LMAN2: variants seen among roughly 807,000 people sequenced by gnomAD.
The protein encoded by LMAN2 is lectin, mannose binding 2.
In LMAN2, 22 loss-of-function variants were observed where a neutral mutation model predicts 39.3. The ratio of observed to expected loss-of-function variants is 0.56; its 90% CI spans 0.40 to 0.80. The LOEUF (loss-of-function observed/expected upper bound fraction) is 0.80, where lower values mean the gene tolerates loss of function less well. Among genes scored for constraint, LMAN2 ranks in the 30% least tolerant of loss-of-function variants. LMAN2 has a pLI of 0.00. For synonymous variants in LMAN2, 207 were observed against 207.8 expected, an observed-to-expected ratio of 1.00 and a Z score of 0.03; for missense variants, 494 against 505.4, an observed-to-expected ratio of 0.98 and a Z score of 0.22.
chr5:177,337,570 G>C lies in LMAN2; in HGVS notation c.514-46C>G, dbSNP rs1369943115. 5 of 1,608,790 alleles carry C rather than the reference G, an allele frequency of 3.1e-6. No homozygotes were observed. In the African/African-American group the frequency reaches 6.7e-5, roughly 22 times the overall value. On this transcript the variant is annotated intron_variant, in intron 4 of 7. Coordinates refer to ENST00000303127, the MANE Select transcript of LMAN2 (RefSeq NM_006816.3). This position sits in a 1 kb window ranked among gnomAD's most constrained non-coding sequence, Gnocchi z 8.2. The stretch of plus-strand genomic sequence containing the variant: ...ACTCCACAAGCAGCCCAGCCTGTGG[G>C]GCGAGCAGGGGCACCCACCACCCCA...
At chr5:177,336,917 C>G (rs1761482021) in intron 6 of LMAN2, 1 of 589,354 alleles carries the variant, frequency 1.7e-6, no homozygotes, top group Admixed American at 3.0e-5. Context: ...CCCGGACAGG[C>G]CATTTACAGA....
chr5:177,350,072 T>A (rs1294697750), intron 2 of LMAN2, among the ~76,000 whole-genome samples: 6 of 152,206 alleles, frequency 3.9e-5, no homozygotes, highest in African/African-American at 1.4e-4. Flanking sequence ...CACAGGGGAC[T>A]CCACGCTCTG....
rs575515366 is a variant in LMAN2, at chr5:177,340,977, G to C, written c.316-2372C>G. 5.3e-5 allele frequency among the ~76,000 whole-genome samples: 8 copies of C among 151,556 alleles called. No homozygotes were observed. The South Asian group carries it at 1.0e-3, about 20-fold the overall frequency. The stretch of plus-strand genomic sequence containing the variant: ...TCACCGTGTTAGCCAGGATGGTCAC[G>C]ATCTCCTGACCTTGTGATCCGCCCA... On this transcript the variant is annotated intron_variant, in intron 2 of 7. Transcript: ENST00000303127.
chr5:177,338,136 C>T (rs1190645435), intron 3 of LMAN2, among the ~76,000 whole-genome samples: 2 of 152,134 alleles, frequency 1.3e-5, no homozygotes, highest in African/African-American at 4.8e-5. Flanking sequence ...CTGTGAAGAG[C>T]CACCAAGGAA....
chr5:177,340,998 G>A (rs542243126), intron 2 of LMAN2, among the ~76,000 whole-genome samples: 3 of 150,740 alleles, frequency 2.0e-5, no homozygotes, highest in South Asian at 2.1e-4. Context: ...CTTGTGATCC[G>A]CCCACCTCAG....
intron 2 of LMAN2, 74 bp downstream of exon 2, chr5:177,351,099 G>C: frequency 7.7e-7 from 1 of 1,299,764 alleles, no homozygotes; most frequent in Non-Finnish European, 1.1e-6. Context: ...AACGAAGCTG[G>C]GGTCTCAGCT....
chr5:177,337,439 G>A lies in LMAN2; in HGVS notation c.599C>T (p.Ala200Val), dbSNP rs777171850. ...HSKDGRWTELAGCTADFRNRD... is the reference protein window; with the variant it reads ...HSKDGRWTELVGCTADFRNRD... ...GTTGCGGAAGTCAGCCGTGCAGCCCGCCAGCTCGGTCCAGCGCCCATCCTT... is the reference window on the plus strand; with the variant it reads ...GTTGCGGAAGTCAGCCGTGCAGCCCACCAGCTCGGTCCAGCGCCCATCCTT... The change falls in exon 5 of 8, where the codon GCG (alanine) becomes GTG (valine). Residue 200 changes from alanine to valine, a missense_variant. Physicochemically the swap from Ala to Val is moderately conservative, Grantham distance 64 (BLOSUM62 0). Transcript: ENST00000303127. The surrounding 1 kb of genome is among the most constrained non-coding windows in gnomAD (Gnocchi z 8.2). The A allele has an allele frequency of 1.9e-5, 30 of 1,613,470 alleles. No homozygotes were observed. The highest frequency in any genetic ancestry group is 1.3e-4 in the South Asian group (12 of 91,072).
rs769121880 is a variant in LMAN2, at chr5:177,337,712, G to A, written c.507C>T (p.Thr169=). 3.7e-6 allele frequency: 6 copies of A among 1,613,976 alleles called. No homozygotes were observed. In the African/African-American group the frequency reaches 4.0e-5, roughly 11 times the overall value. The change falls in exon 4 of 8, where the codon ACC becomes ACT. Residue 169 remains threonine, a synonymous_variant. Coordinates refer to ENST00000303127, the MANE Select transcript of LMAN2 (RefSeq NM_006816.3). The surrounding 1 kb of genome is among the most constrained non-coding windows in gnomAD (Gnocchi z 8.2). ...IFLDTYPNDE[T]TERVFPYISV... ...GGATAGAGCAGGGGCCTACCTCAGT[G>A]GTCTCATCATTGGGGTAGGTGTCCA...
intron 2 of LMAN2, chr5:177,346,471 T>A (rs533387062): frequency 4.3e-4 from 115 of 265,634 alleles, no homozygotes; most frequent in Admixed American, 1.4e-3. Flanking sequence ...GTTTTTTTTT[T>A]AAAAAAAGCA....
chr5:177,349,836 G>T (rs1200739711), intron 2 of LMAN2, among the ~76,000 whole-genome samples: 1 of 152,234 alleles, frequency 6.6e-6, no homozygotes, highest in Admixed American at 6.5e-5. Context: ...GGTGGTTAAT[G>T]AAGAAATGTC....
Position 177,351,439 on chromosome 5 carries a change from C to A in LMAN2, c.196+13G>T. 1.2e-6 allele frequency: 2 copies of A among 1,610,888 alleles called. No individual in the cohort carries two copies. Among genetic ancestry groups the A allele is most frequent in the Non-Finnish European group, 1.7e-6 (2 of 1,178,050 alleles). On this transcript the variant is annotated intron_variant, in intron 1 of 7. Coordinates refer to ENST00000303127, the MANE Select transcript of LMAN2 (RefSeq NM_006816.3). The stretch of plus-strand genomic sequence containing the variant: ...CCCTCACTCTTCACTCATTCCCGCC[C>A]CAAGGGCTTCACCTTGGTAGGGCTT...
chr5:177,340,976 C>T lies in LMAN2; in HGVS notation c.316-2371G>A, dbSNP rs188968929. Among the ~76,000 whole-genome samples, 1,018 of 151,608 alleles carry T rather than the reference C, an allele frequency of 6.7e-3. 10 individuals are homozygous for T. Among genetic ancestry groups the T allele is most frequent in the African/African-American group, 0.024 (973 of 41,384 alleles). On this transcript the variant is annotated intron_variant, in intron 2 of 7. Transcript: ENST00000303127. ...TTCACCGTGTTAGCCAGGATGGTCACGATCTCCTGACCTTGTGATCCGCCC... is the reference window on the plus strand; with the variant it reads ...TTCACCGTGTTAGCCAGGATGGTCATGATCTCCTGACCTTGTGATCCGCCC...
intron 6 of LMAN2, 136 bp downstream of exon 6, chr5:177,337,000 C>CA (rs1415996589): frequency 1.5e-6 from 1 of 665,152 alleles, no homozygotes; most frequent in Admixed American, 2.4e-5. Context: ...AGGCCATTTA[C>CA]AGAAGAAAGG....
Position 177,332,200 on chromosome 5 carries a change from C to T in LMAN2, c.957G>A (p.Thr319=), listed in dbSNP as rs374771553. ...GCAGCAGCAGGAACACCCGCCACCCCGTCAGGGGCCCGCTGCGGAAGTTCC... is the reference window on the plus strand; with the variant it reads ...GCAGCAGCAGGAACACCCGCCACCCTGTCAGGGGCCCGCTGCGGAAGTTCC... ...PTGNFRSGPL[T]GWRVFLLLLC... Residue 319 remains threonine, a synonymous_variant, in exon 8 of 8, where the codon ACG becomes ACA. Coordinates refer to ENST00000303127, the MANE Select transcript of LMAN2 (RefSeq NM_006816.3). The surrounding 1 kb of genome is among the most constrained non-coding windows in gnomAD (Gnocchi z 6.3). The T allele has an allele frequency of 1.3e-4, 205 of 1,613,338 alleles. 1 individual carries two copies. Among genetic ancestry groups the T allele is most frequent in the East Asian group, 5.4e-4 (24 of 44,856 alleles).
At chr5:177,345,730 GGCAT>G (rs66519844) in intron 2 of LMAN2, among the ~76,000 whole-genome samples, 15,352 of 142,390 alleles carry the variant, frequency 0.11, 1,043 homozygotes, top group African/African-American at 0.17. Context: ...CAGCAGCCAT[GGCAT>G]GCATTTATTT....
Position 177,344,935 on chromosome 5 carries a change from A to AG in LMAN2, c.315+6237_315+6238insC, listed in dbSNP as rs371995675. 2.6e-3 allele frequency among the ~76,000 whole-genome samples: 393 copies of AG among 151,896 alleles called. 1 individual carries two copies. Among genetic ancestry groups the AG allele is most frequent in the African/African-American group, 9.1e-3 (378 of 41,338 alleles). On this transcript the variant is annotated intron_variant, in intron 2 of 7. Transcript: ENST00000303127. ...AAAGAAAAGAAAAGAAAAGAAGAGA[A>AG]AGAAGAGAAGAGAAAAGAAAAGGAA...
Position 177,337,074 on chromosome 5 carries a change from A to G in LMAN2, c.790+62T>C, listed in dbSNP as rs955202576. The G allele has an allele frequency of 1.6e-6, 2 of 1,264,538 alleles. No individual in the cohort carries two copies. Among genetic ancestry groups the G allele is most frequent in the Admixed American group, 1.8e-5 (1 of 57,134 alleles). 78.3% of individuals were successfully genotyped at this position (1,264,538 alleles called of 1,614,324 possible). A position where few individuals can be genotyped will look rare whatever the true frequency, so the allele number is the denominator to read the frequency against. The stretch of plus-strand genomic sequence containing the variant: ...TGAAGGCAGGCAATCAACTGCATGG[A>G]AAGCTCCCAGTCCCTCAGGGTGAGC... On this transcript the variant is annotated intron_variant, in intron 6 of 7. Coordinates refer to ENST00000303127, the MANE Select transcript of LMAN2 (RefSeq NM_006816.3). This position sits in a 1 kb window ranked among gnomAD's most constrained non-coding sequence, Gnocchi z 8.2.
chr5:177,332,026 T>TAA lies in LMAN2; in HGVS notation c.*58_*59dup. The TAA allele has an allele frequency of 1.7e-5, 22 of 1,258,490 alleles. No individual in the cohort carries two copies. Among genetic ancestry groups the TAA allele is most frequent in the South Asian group, 4.5e-5 (3 of 66,216 alleles). The allele number at this position is 1,258,490 out of a possible 1,614,324, so 78.0% of individuals were successfully genotyped here. A position where few individuals can be genotyped will look rare whatever the true frequency, so the allele number is the denominator to read the frequency against. On this transcript the variant is annotated 3_prime_UTR_variant, in exon 8 of 8. Transcript: ENST00000303127. The surrounding 1 kb of genome is among the most constrained non-coding windows in gnomAD (Gnocchi z 6.3). ...TCTTGTTGTTCTTTTATAATCCCGG[T>TAA]AAAAAAAAAAGTTCACATTGGCTCC... is the stretch of plus-strand genomic sequence containing the variant.
chr5:177,345,765 A>C (rs1241525846), intron 2 of LMAN2, among the ~76,000 whole-genome samples: 1 of 150,010 alleles, frequency 6.7e-6, no homozygotes, highest in Non-Finnish European at 1.5e-5. Flanking sequence ...TTATTTATTT[A>C]TTTATTTATT....
Sources: allele counts gnomAD v4.1 joint callset (sites outside exome capture counted in the v4.1 genomes callset), GRCh38; gene constraint gnomAD v4.1.1; non-coding constraint Gnocchi (gnomAD v3.1); transcripts MANE v1.5; gene names NCBI Gene and HGNC (gene_info 2026-07-23, HGNC 2026-07-21).